The following LRPAP1 variants were observed in gnomAD, a reference collection of about 807,000 sequenced individuals.
LRPAP1 encodes alpha-2-macroglobulin receptor-associated protein.
LRPAP1 carries 41 observed loss-of-function variants against 39.9 expected under a neutral mutation model. The ratio of observed to expected loss-of-function variants is 1.03; its 90% confidence interval spans 0.80 to 1.33. The LOEUF is 1.33. LRPAP1 is among the 40% of genes most tolerant of loss of function. The pLI is 0.00. For synonymous variants in LRPAP1, 263 were observed against 212.7 expected, an observed-to-expected ratio of 1.24 and a Z score of -2.06; for missense variants, 565 against 482.3, an observed-to-expected ratio of 1.17 and a Z score of -1.61.
rs1011571922 is a variant in LRPAP1 at position 3,505,168 on chromosome 4, G to T, written c.*7806C>A. On this transcript the variant is annotated 3_prime_UTR_variant, in exon 8 of 8. Transcript: ENST00000650182. ...GCTGCAGGTTGTGCCTGAGCTCACG[G>T]ACACGAGGAAGAAGGGCGACCGTGT... 6.6e-6 allele frequency among the ~76,000 whole-genome samples: 1 copy of T among 152,200 alleles called. No individual in the cohort carries two copies. The highest frequency in any genetic ancestry group is 2.4e-5 in the African/African-American group (1 of 41,438).
At chr4:3,515,697 G>GC (rs1560253945) in intron 6 of LRPAP1, among the ~76,000 whole-genome samples, 1 of 152,058 alleles carries the variant, frequency 6.6e-6, no homozygotes, top group East Asian at 1.9e-4. Context: ...CACTCCACAC[G>GC]CCCCAGGAGC....
At chr4:3,516,259 C>T (rs1004942858) in intron 5 of LRPAP1, 61 bp from the exon 6 acceptor site, 27 of 1,353,578 alleles carry the variant, frequency 2.0e-5, no homozygotes, top group South Asian at 7.5e-5. Flanking sequence ...CAGCCAGCCC[C>T]GCGGCAACCA....
At chr4:3,530,313 C>T (rs1730210433) in intron 1 of LRPAP1, among the ~76,000 whole-genome samples, 2 of 152,178 alleles carry the variant, frequency 1.3e-5, no homozygotes, top group South Asian at 4.1e-4. Flanking sequence ...CACAGCACCG[C>T]CACCCTCCAA....
At chr4:3,532,161 CG>C (rs2108700947) in intron 1 of LRPAP1, 47 bp downstream of exon 1, 1 of 1,539,666 alleles carries the variant, frequency 6.5e-7, no homozygotes, top group South Asian at 1.2e-5. Context: ...ACCCCAACCA[CG>C]GCCCCCGCCC....
intron 3 of LRPAP1, among the ~76,000 whole-genome samples, chr4:3,519,714 C>T (rs1237479929): frequency 6.6e-6 from 1 of 152,228 alleles, no homozygotes; most frequent in Non-Finnish European, 1.5e-5. Flanking sequence ...TTTCTAATCA[C>T]AGAGGCACGT....
intron 6 of LRPAP1, chr4:3,515,888 A>G: frequency 8.6e-6 from 5 of 581,336 alleles, no homozygotes; most frequent in South Asian, 8.1e-5. Flanking sequence ...GAACACGGAC[A>G]AAAGAACCAA....
rs1183941388 is a variant in LRPAP1 at position 3,503,688 on chromosome 4, G to A, written c.*9286C>T. ...ATCAAAACTTAGGGAAATGTGGTTAGTGTGGTACGTTGAGGGAAACTTATA... is the reference window on the plus strand; with the variant it reads ...ATCAAAACTTAGGGAAATGTGGTTAATGTGGTACGTTGAGGGAAACTTATA... On this transcript the variant is annotated 3_prime_UTR_variant, in exon 8 of 8. Coordinates refer to ENST00000650182, the MANE Select transcript of LRPAP1 (RefSeq NM_002337.4). 6.6e-6 allele frequency: 1 copy of A among 152,274 alleles called. No homozygotes were observed. Among genetic ancestry groups the A allele is most frequent in the East Asian group, 1.9e-4 (1 of 5,198 alleles). The allele number at this position is 152,274 out of a possible 1,614,324, so 9.4% of individuals were successfully genotyped here.
Position 3,506,979 on chromosome 4 carries a change from G to A in LRPAP1, c.*5995C>T, listed in dbSNP as rs1403195753. On this transcript the variant is annotated 3_prime_UTR_variant, in exon 8 of 8. Coordinates refer to ENST00000650182, the MANE Select transcript of LRPAP1 (RefSeq NM_002337.4). ...CACCTGTAATCCTGGCACTCCGCGAGGTGGAGGCAGGTGAATCACTTGAGA... is the reference window on the plus strand; with the variant it reads ...CACCTGTAATCCTGGCACTCCGCGAAGTGGAGGCAGGTGAATCACTTGAGA... 1 of 152,248 alleles carries A rather than the reference G, an allele frequency of 6.6e-6. No individual in the cohort carries two copies. Among genetic ancestry groups the A allele is most frequent in the Non-Finnish European group, 1.5e-5 (1 of 68,046 alleles). The allele number at this position is 152,248 out of a possible 1,614,324, so 9.4% of individuals were successfully genotyped here. A position where few individuals can be genotyped will look rare whatever the true frequency, so the allele number is the denominator to read the frequency against.
chr4:3,519,208 G>A (rs1409638052), intron 3 of LRPAP1, among the ~76,000 whole-genome samples: 1 of 152,208 alleles, frequency 6.6e-6, no homozygotes, highest in African/African-American at 2.4e-5. Context: ...GGCTCAACAG[G>A]GGACAGCTAC....
rs537631762 is a variant in LRPAP1, at chr4:3,526,441, C to A, written c.205-1390G>T. 4.6e-5 allele frequency among the ~76,000 whole-genome samples: 7 copies of A among 152,368 alleles called. No homozygotes were observed. The South Asian group carries it at 1.4e-3, about 32-fold the overall frequency. On this transcript the variant is annotated intron_variant, in intron 1 of 7. Coordinates refer to ENST00000650182, the MANE Select transcript of LRPAP1 (RefSeq NM_002337.4). ...CTATATTTCATTAGCTATTTTCTAA[C>A]ATAAATACAACACAAGCTAGTATCC...
At position 3,512,027 on chromosome 4, in the gene LRPAP1, G is replaced by T. The variant is rs1794432; in HGVS notation, c.*947C>A. On this transcript the variant is annotated 3_prime_UTR_variant, in exon 8 of 8. Transcript: ENST00000650182. Reference sequence around the variant, plus strand: ...GGAGCCGGACCCGAGCCTCTTCCAGGCTCAGACACGGGAAGGGAACCACGC... The same window carrying T: ...GGAGCCGGACCCGAGCCTCTTCCAGTCTCAGACACGGGAAGGGAACCACGC... The T allele has an allele frequency of 3.8e-4, 9 of 23,694 alleles. 3 individuals carry two copies. Among genetic ancestry groups the T allele is most frequent in the Admixed American group, 2.4e-3 (5 of 2,090 alleles). 1.5% of individuals were successfully genotyped at this position (23,694 alleles called of 1,614,324 possible). A position where few individuals can be genotyped will look rare whatever the true frequency, so the allele number is the denominator to read the frequency against.
chr4:3,523,560 C>T (rs1729985543), intron 2 of LRPAP1, among the ~76,000 whole-genome samples: 1 of 152,112 alleles, frequency 6.6e-6, no homozygotes, highest in Non-Finnish European at 1.5e-5. Flanking sequence ...AGTCAGAAAA[C>T]CCTGACTCCA....
Position 3,514,788 on chromosome 4 carries a change from G to C in LRPAP1, c.975C>G (p.Ala325=). The change falls in exon 7 of 8, where the codon GCC becomes GCG. Residue 325 remains alanine (A), a synonymous_variant. Coordinates refer to ENST00000650182, the MANE Select transcript of LRPAP1 (RefSeq NM_002337.4). The part of the protein sequence containing the change: ...ERVSRSREKH[A]LLEGRTKELG... ...GCTCCTTGGTCCGCCCCTCCAGCAG[G>C]GCGTGCTTCTCGCGGCTGCGGCTCA... 3.1e-6 allele frequency: 5 copies of C among 1,612,508 alleles called. No individual in the cohort carries two copies. In the East Asian group the frequency reaches 1.1e-4, roughly 36 times the overall value.
At chr4:3,516,260 G>A (rs1037406498) in intron 5 of LRPAP1, 62 bp from the exon 6 acceptor site, 7 of 1,347,646 alleles carry the variant, frequency 5.2e-6, no homozygotes, top group East Asian at 2.5e-5. Context: ...AGCCAGCCCC[G>A]CGGCAACCAC....
At chr4:3,520,549 T>C (rs781011473) in intron 2 of LRPAP1, among the ~76,000 whole-genome samples, 2 of 152,190 alleles carry the variant, frequency 1.3e-5, no homozygotes, top group Non-Finnish European at 2.9e-5. Context: ...TGGTTACCGA[T>C]TGGCCCGTCT....
chr4:3,509,299 A>G lies in LRPAP1; in HGVS notation c.*3675T>C, dbSNP rs1729446997. On this transcript the variant is annotated 3_prime_UTR_variant, in exon 8 of 8. Coordinates refer to ENST00000650182, the MANE Select transcript of LRPAP1 (RefSeq NM_002337.4). ...CGGAGACTGTTGAGACGCCGACTGG[A>G]GTCACACACGGCAGTCAACGCGTGG... The G allele has an allele frequency of 1.7e-5, 1 of 60,570 alleles. No individual in the cohort carries two copies. Among genetic ancestry groups the G allele is most frequent in the South Asian group, 8.8e-4 (1 of 1,132 alleles). The allele number at this position is 60,570 out of a possible 1,614,324, so 3.8% of individuals were successfully genotyped here.
chr4:3,516,571 G>A (rs1165159918), intron 5 of LRPAP1, among the ~76,000 whole-genome samples: 2 of 152,344 alleles, frequency 1.3e-5, no homozygotes, highest in Non-Finnish European at 1.5e-5. Context: ...TCGGGTGGGG[G>A]CACCTGCAAG....
At chr4:3,525,883 C>G (rs534176260) in intron 1 of LRPAP1, among the ~76,000 whole-genome samples, 3 of 152,226 alleles carry the variant, frequency 2.0e-5, no homozygotes, top group Non-Finnish European at 4.4e-5. Context: ...GCCAGGCGGC[C>G]GAGGCAAGCA....
rs768805093 is a variant in LRPAP1, at chr4:3,516,122, C to T, written c.828G>A (p.Ala276=). 52 of 1,574,752 alleles carry T rather than the reference C, an allele frequency of 3.3e-5. No individual in the cohort carries two copies. Among genetic ancestry groups the T allele is most frequent in the East Asian group, 1.6e-4 (7 of 43,462 alleles). Residue 276 remains alanine, a synonymous_variant, in exon 6 of 8, where the codon GCG becomes GCA. Coordinates refer to ENST00000650182, the MANE Select transcript of LRPAP1 (RefSeq NM_002337.4). The part of the protein sequence containing the change: ...SANLTDKELE[A]FREELKHFEA... ...GAGGGCCGTGTTTCCTTACCCGGAA[C>T]GCCTCCAGCTCCTTGTCCGTGAGGT...
Sources: allele counts gnomAD v4.1 joint callset (sites outside exome capture counted in the v4.1 genomes callset), GRCh38; gene constraint gnomAD v4.1.1; transcripts MANE v1.5; gene names NCBI Gene and HGNC (gene_info 2026-07-23, HGNC 2026-07-21).